The following MTUS2 variants were observed in gnomAD, a reference collection of about 807,000 sequenced individuals.
MTUS2 encodes microtubule-associated tumor suppressor candidate 2.
A neutral mutation model predicts 114.1 loss-of-function variants in MTUS2; 40 were observed. The ratio of observed to expected loss-of-function variants is 0.35; its 90% CI spans 0.27 to 0.46. The LOEUF (loss-of-function observed/expected upper bound fraction) is 0.46. Ranked by LOEUF, MTUS2 falls within the 20% of genes least tolerant of loss-of-function variation. MTUS2 has a pLI of 1.00. For missense variants in MTUS2, 1,679 were observed against 1,705.4 expected (o/e 0.98, Z 0.27); for synonymous variants, 688 against 672.0 (o/e 1.02, Z -0.37).
chr13:29,041,522 A>G (rs1194550761), intron 4 of MTUS2, among the ~76,000 whole-genome samples: 1 of 152,088 alleles, frequency 6.6e-6, no homozygotes, highest in African/African-American at 2.4e-5. Flanking sequence ...GAATTTGTAG[A>G]TTGCTTTTGG....
At chr13:29,365,496 T>TGAGAAGAC in intron 8 of MTUS2, among the ~76,000 whole-genome samples, 1 of 33,880 alleles carries the variant, frequency 3.0e-5, no homozygotes, top group Non-Finnish European at 8.5e-5. Flanking sequence ...ATCAATACGT[T>TGAGAAGAC]TTTTTGTTTG....
Position 29,084,788 on chromosome 13 carries a change from C to G in MTUS2, c.2447-15985C>G, listed in dbSNP as rs604562. Among the ~76,000 whole-genome samples the G allele has an allele frequency of 2.1e-3, 235 of 112,752 alleles. 13 individuals are homozygous for G. Among genetic ancestry groups the G allele is most frequent in the African/African-American group, 8.4e-3 (223 of 26,672 alleles). 74.0% of individuals were successfully genotyped at this position (112,752 alleles called of 152,430 possible). ...CCTGACCTCAGGTGATCCACCCCCC[C>G]CCCTCACCGTTGGCCTTCCAAAGTG... On this transcript the variant is annotated intron_variant, in intron 4 of 15. Coordinates refer to ENST00000612955, the MANE Select transcript of MTUS2 (RefSeq NM_001033602.4).
chr13:29,234,834 C>T (rs1448498481), intron 5 of MTUS2, among the ~76,000 whole-genome samples: 1 of 152,012 alleles, frequency 6.6e-6, no homozygotes, highest in Non-Finnish European at 1.5e-5. Context: ...TTCAAGGCCA[C>T]TTCCCCAAAA....
At chr13:29,356,887 C>T (rs1212080133) in intron 7 of MTUS2, among the ~76,000 whole-genome samples, 1 of 152,168 alleles carries the variant, frequency 6.6e-6, no homozygotes, top group African/African-American at 2.4e-5. Context: ...GGATTGGTTT[C>T]ACAAGGTAGT....
intron 2 of MTUS2, among the ~76,000 whole-genome samples, chr13:28,878,852 T>C (rs1032310954): frequency 1.2e-4 from 18 of 152,196 alleles, no homozygotes; most frequent in Admixed American, 3.9e-4. Context: ...TACACAGTAA[T>C]GAGATTGCTG....
intron 7 of MTUS2, among the ~76,000 whole-genome samples, chr13:29,331,068 G>A (rs1342898607): frequency 2.6e-5 from 4 of 152,164 alleles, no homozygotes; most frequent in African/African-American, 9.7e-5. Context: ...CTGTCCATGA[G>A]CATGGAATGT....
chr13:28,925,546 C>T (rs1389416972), intron 2 of MTUS2, among the ~76,000 whole-genome samples: 1 of 152,138 alleles, frequency 6.6e-6, no homozygotes, highest in East Asian at 1.9e-4. Flanking sequence ...ATTTGATTGA[C>T]TTGGTGGGGC....
intron 8 of MTUS2, among the ~76,000 whole-genome samples, chr13:29,395,196 C>G (rs1873818880): frequency 6.6e-6 from 1 of 152,098 alleles, no homozygotes; most frequent in Admixed American, 6.6e-5. Flanking sequence ...CTTAAGATGT[C>G]TATTTTAATG....
chr13:29,231,023 C>T (rs985512841), intron 5 of MTUS2, among the ~76,000 whole-genome samples: 1 of 152,070 alleles, frequency 6.6e-6, no homozygotes, highest in East Asian at 1.9e-4. Flanking sequence ...AGCCAAATAC[C>T]ATGTTGTACA....
At chr13:29,339,507 G>C (rs1284906617) in intron 7 of MTUS2, 1 of 153,062 alleles carries the variant, frequency 6.5e-6, no homozygotes, top group Non-Finnish European at 1.5e-5. Flanking sequence ...TCTGGGGCCT[G>C]GGGGGAGGTG....
At chr13:28,959,323 G>A (rs555452486) in intron 2 of MTUS2, among the ~76,000 whole-genome samples, 7 of 152,118 alleles carry the variant, frequency 4.6e-5, no homozygotes, top group Non-Finnish European at 8.8e-5. Flanking sequence ...AGATTGTAAT[G>A]ACCCACTGCA....
chr13:29,091,912 G>C (rs1263713241), intron 4 of MTUS2, among the ~76,000 whole-genome samples: 1 of 152,218 alleles, frequency 6.6e-6, no homozygotes. Context: ...CTTGCTAGAA[G>C]GCAGCAGAGC....
intron 2 of MTUS2, among the ~76,000 whole-genome samples, chr13:28,939,988 TACTC>T (rs965701056): frequency 9.2e-5 from 14 of 152,158 alleles, no homozygotes; most frequent in Non-Finnish European, 1.3e-4. Context: ...TCATGAGACT[TACTC>T]ACTATCATGA....
At chr13:29,419,051 A>T (rs1341591169) in intron 8 of MTUS2, among the ~76,000 whole-genome samples, 1 of 152,110 alleles carries the variant, frequency 6.6e-6, no homozygotes. Flanking sequence ...ATTCAGCCTG[A>T]CCTAACTTTT....
intron 2 of MTUS2, among the ~76,000 whole-genome samples, chr13:28,844,607 G>GTGTGTGTGTGTGTGTGTA (rs1318153585): frequency 6.6e-6 from 1 of 151,776 alleles, no homozygotes; most frequent in Non-Finnish European, 1.5e-5. Context: ...GTGTGTGTGT[G>GTGTGTGTGTGTGTGTGTA]TGTGTATGTG....
intron 5 of MTUS2, among the ~76,000 whole-genome samples, chr13:29,264,824 G>A (rs34121185): frequency 0.013 from 2,012 of 152,308 alleles, 29 homozygotes; most frequent in East Asian, 0.082. Context: ...CATTCTTCCC[G>A]CCTAGGCCTC....
At chr13:29,102,679 A>C (rs1168291945) in intron 5 of MTUS2, among the ~76,000 whole-genome samples, 1 of 152,192 alleles carries the variant, frequency 6.6e-6, no homozygotes, top group Non-Finnish European at 1.5e-5. Flanking sequence ...GCTACCTACT[A>C]TATATGTAAT....
chr13:28,823,044 G>A (rs1874017059), intron 1 of MTUS2, among the ~76,000 whole-genome samples: 2 of 152,198 alleles, frequency 1.3e-5, no homozygotes, highest in Non-Finnish European at 2.9e-5. Flanking sequence ...AGTGGAAACG[G>A]GTTGGGGAAG....
chr13:28,984,206 A>C (rs528387684), intron 2 of MTUS2, among the ~76,000 whole-genome samples: 1 of 152,312 alleles, frequency 6.6e-6, no homozygotes, highest in East Asian at 1.9e-4. Flanking sequence ...CTCAGGCAGG[A>C]AGGGAGGGGA....
Sources: allele counts gnomAD v4.1 joint callset (sites outside exome capture counted in the v4.1 genomes callset), GRCh38; gene constraint gnomAD v4.1.1; transcripts MANE v1.5; gene names NCBI Gene and HGNC (gene_info 2026-07-23, HGNC 2026-07-21).